The following ZBTB8A variants were observed in gnomAD, a reference collection of about 807,000 sequenced individuals.
ZBTB8A encodes zinc finger and BTB domain containing 8A.
In ZBTB8A, 19 loss-of-function variants were observed where a neutral mutation model predicts 37.8. That is an observed-to-expected ratio of 0.50 (90% confidence interval 0.35 to 0.74). The LOEUF is 0.74. Ranked by LOEUF, ZBTB8A falls within the 30% of genes least tolerant of loss-of-function variation. ZBTB8A has a pLI of 0.01. For missense variants in ZBTB8A, 394 were observed against 537.8 expected, an observed-to-expected ratio of 0.73 and a Z score of 2.65; for synonymous variants, 181 against 185.2, an observed-to-expected ratio of 0.98 and a Z score of 0.19.
Position 32,571,723 on chromosome 1 carries a change from C to T in ZBTB8A, c.-2+18183C>T, listed in dbSNP as rs376435383. On this transcript the variant is annotated intron_variant, in intron 2 of 4. Coordinates refer to ENST00000373510, the MANE Select transcript of ZBTB8A (RefSeq NM_001040441.3). ...CCAAATAGCTGGTATTACAGGCGTC[C>T]GCCACCACGCCCAGCTAATTTTTTT... 9.9e-5 allele frequency among the ~76,000 whole-genome samples: 15 copies of T among 152,004 alleles called. No individual in the cohort carries two copies. In the South Asian group the frequency reaches 2.1e-3, roughly 21 times the overall value.
chr1:32,591,232 A>T (rs1644485633), intron 2 of ZBTB8A, among the ~76,000 whole-genome samples: 2 of 149,418 alleles, frequency 1.3e-5, no homozygotes, highest in Admixed American at 1.3e-4. Flanking sequence ...TTAGAGACAG[A>T]GTCTCTCTCT....
At chr1:32,576,048 C>T (rs1644357032) in intron 2 of ZBTB8A, among the ~76,000 whole-genome samples, 1 of 152,178 alleles carries the variant, frequency 6.6e-6, no homozygotes, top group Non-Finnish European at 1.5e-5. Flanking sequence ...TAGCAGATTT[C>T]ACAAACTACA....
At chr1:32,599,970 T>C (rs1245127163) in intron 4 of ZBTB8A, 117 bp from the exon 5 acceptor site, 1 of 740,038 alleles carries the variant, frequency 1.4e-6, no homozygotes, top group African/African-American at 1.8e-5. Flanking sequence ...ATAATAGATG[T>C]TAATTTGAGT....
Position 32,603,476 on chromosome 1 carries a change from C to T in ZBTB8A, c.*3057C>T, listed in dbSNP as rs180735830. The stretch of plus-strand genomic sequence containing the variant: ...AAGTGTATCTGAATGAGGAAGGAAA[C>T]GCTTGTCATTCTCTAGTCTTACCCA... On this transcript the variant is annotated 3_prime_UTR_variant, in exon 5 of 5. Coordinates refer to ENST00000373510, the MANE Select transcript of ZBTB8A (RefSeq NM_001040441.3). The T allele has an allele frequency of 3.4e-3, 512 of 152,386 alleles. 4 individuals carry two copies. The highest frequency in any genetic ancestry group is 3.1e-3 in the Non-Finnish European group (214 of 68,024). The allele number at this position is 152,386 out of a possible 1,614,324, so 9.4% of individuals were successfully genotyped here.
intron 2 of ZBTB8A, among the ~76,000 whole-genome samples, chr1:32,568,845 A>C (rs1304961274): frequency 1.3e-5 from 2 of 152,154 alleles, no homozygotes; most frequent in Non-Finnish European, 2.9e-5. Flanking sequence ...CATGGTATGG[A>C]TATACTACAA....
rs1265728386 is a variant in ZBTB8A, at chr1:32,602,114, A to T, written c.*1695A>T. The T allele has an allele frequency of 6.6e-6, 1 of 152,340 alleles. No homozygotes were observed. The highest frequency in any genetic ancestry group is 2.4e-5 in the African/African-American group (1 of 41,418). 9.4% of individuals were successfully genotyped at this position (152,340 alleles called of 1,614,324 possible). On this transcript the variant is annotated 3_prime_UTR_variant, in exon 5 of 5. Transcript: ENST00000373510. ...GGAGGCTGAGGCAGGTGGATCACCG[A>T]GGTCGGGAGTTTGAGACCAGCCTGA...
chr1:32,569,386 CTTTTTTTTT>C (rs563715372), intron 2 of ZBTB8A, among the ~76,000 whole-genome samples: 9 of 82,304 alleles, frequency 1.1e-4, no homozygotes, highest in Non-Finnish European at 1.6e-4. Flanking sequence ...TTTTCCTTTC[CTTTTTTTTT>C]TTTTTTTTTT....
At position 32,601,719 on chromosome 1, in the gene ZBTB8A, G is replaced by T. The variant is rs1288999903; in HGVS notation, c.*1300G>T. On this transcript the variant is annotated 3_prime_UTR_variant, in exon 5 of 5. Coordinates refer to ENST00000373510, the MANE Select transcript of ZBTB8A (RefSeq NM_001040441.3). ...TCTCTCCCTGTATGTCTCCTGAAAT[G>T]GCAAAGAATAGAAGTCAAACCTCAC... 7.5e-6 allele frequency: 3 copies of T among 398,262 alleles called. No individual in the cohort carries two copies. Among genetic ancestry groups the T allele is most frequent in the African/African-American group, 6.2e-5 (3 of 48,578 alleles). The allele number at this position is 398,262 out of a possible 1,614,324, so 24.7% of individuals were successfully genotyped here.
At chr1:32,588,357 G>T (rs1644463956) in intron 2 of ZBTB8A, among the ~76,000 whole-genome samples, 1 of 152,010 alleles carries the variant, frequency 6.6e-6, no homozygotes, top group East Asian at 1.9e-4. Flanking sequence ...CAACTCGCTG[G>T]TGTCGGTGCA....
intron 1 of ZBTB8A, among the ~76,000 whole-genome samples, chr1:32,542,077 T>A (rs1644060662): frequency 6.6e-6 from 1 of 152,200 alleles, no homozygotes; most frequent in African/African-American, 2.4e-5. Context: ...AGAGCATCTG[T>A]ACTTAATTCT....
chr1:32,544,317 C>G (rs1644084062), intron 1 of ZBTB8A, among the ~76,000 whole-genome samples: 1 of 152,212 alleles, frequency 6.6e-6, no homozygotes. Context: ...ATGGTATAGC[C>G]TATGGCTCCT....
chr1:32,585,499 A>G (rs1432211946), intron 2 of ZBTB8A, among the ~76,000 whole-genome samples: 1 of 152,142 alleles, frequency 6.6e-6, no homozygotes, highest in Non-Finnish European at 1.5e-5. Context: ...TCTAACAAAA[A>G]TATGTAAGAT....
intron 2 of ZBTB8A, among the ~76,000 whole-genome samples, chr1:32,589,222 C>T (rs1324562687): frequency 6.6e-6 from 1 of 151,948 alleles, no homozygotes; most frequent in African/African-American, 2.4e-5. Context: ...TTGTGTCACC[C>T]AGGCTGAAGG....
At chr1:32,591,438 C>T (rs919058481) in intron 2 of ZBTB8A, among the ~76,000 whole-genome samples, 1 of 151,894 alleles carries the variant, frequency 6.6e-6, no homozygotes, top group Non-Finnish European at 1.5e-5. Context: ...AGGCTGGTCT[C>T]ACACTCCTGG....
At chr1:32,584,512 T>C (rs113614002) in intron 2 of ZBTB8A, among the ~76,000 whole-genome samples, 42 of 114,204 alleles carry the variant, frequency 3.7e-4, no homozygotes, top group South Asian at 9.9e-4. Flanking sequence ...TTCTTTCTTT[T>C]TTTTTTTTTT....
rs1236300856 is a variant in ZBTB8A, at chr1:32,605,753, AT to A, written c.*5335del. 1 of 150,404 alleles carries A rather than the reference AT, an allele frequency of 6.6e-6. No individual in the cohort carries two copies. The highest frequency in any genetic ancestry group is 1.5e-5 in the Non-Finnish European group (1 of 67,950). 9.3% of individuals were successfully genotyped at this position (150,404 alleles called of 1,614,324 possible). ...AAAGAACCTAAGACAACCCAGTGAA[AT>A]GGTAGCAAAAAATAGGAAATATAAT... is the stretch of plus-strand genomic sequence containing the variant. On this transcript the variant is annotated 3_prime_UTR_variant, in exon 5 of 5. Coordinates refer to ENST00000373510, the MANE Select transcript of ZBTB8A (RefSeq NM_001040441.3).
At chr1:32,596,051 T>C (rs1258019743) in intron 4 of ZBTB8A, among the ~76,000 whole-genome samples, 1 of 151,998 alleles carries the variant, frequency 6.6e-6, no homozygotes, top group African/African-American at 2.4e-5. Context: ...GGCGGGCAGA[T>C]TGCTTGAGGC....
In ZBTB8A at chr1:32,544,275, G is replaced by A. The variant is rs535106598; in HGVS notation, c.-84+4703G>A. 2.0e-5 allele frequency among the ~76,000 whole-genome samples: 3 copies of A among 152,372 alleles called. No individual in the cohort carries two copies. In the East Asian group the frequency reaches 5.8e-4, roughly 29 times the overall value. ...TCATAGAATGTACTTACACAAACCT[G>A]GCTGATATAGCCTACTACACGCCTA... On this transcript the variant is annotated intron_variant, in intron 1 of 4. Transcript: ENST00000373510.
At position 32,593,600 on chromosome 1, in the gene ZBTB8A, T is replaced by C. The variant is rs375391863; in HGVS notation, c.669T>C (p.His223=). The C allele has an allele frequency of 1.8e-5, 29 of 1,614,096 alleles. No individual in the cohort carries two copies. The highest frequency in any genetic ancestry group is 3.3e-5 in the South Asian group (3 of 91,094). The change falls in exon 3 of 5, where the codon CAT becomes CAC. Residue 223 remains histidine (H), a synonymous_variant. Transcript: ENST00000373510. ...LRLSQPSEVT[H]YKSSKREVRT... ...TGTCACAGCCTTCTGAAGTTACTCA[T>C]TATAAGTCAAGCAAACGAGAAGTAC...
Sources: allele counts gnomAD v4.1 joint callset (sites outside exome capture counted in the v4.1 genomes callset), GRCh38; gene constraint gnomAD v4.1.1; transcripts MANE v1.5; gene names NCBI Gene and HGNC (gene_info 2026-07-23, HGNC 2026-07-21).